The following SCLT1 variants were observed in gnomAD, a reference collection of about 807,000 sequenced individuals.
SCLT1 encodes the protein sodium channel and clathrin linker 1.
A neutral mutation model predicts 112.8 loss-of-function variants in SCLT1; 78 were observed. The ratio of observed to expected loss-of-function variants is 0.69; its 90% CI spans 0.58 to 0.83. The LOEUF is 0.83. Among genes scored for constraint, SCLT1 ranks in the 40% least tolerant of loss-of-function variants. SCLT1 has a pLI of 0.00. For missense variants in SCLT1, 747 were observed against 770.4 expected (o/e 0.97, Z 0.36); for synonymous variants, 257 against 254.7 (o/e 1.01, Z -0.09).
intron 6 of SCLT1, among the ~76,000 whole-genome samples, chr4:129,001,983 T>C (rs1251204842): frequency 6.6e-6 from 1 of 152,018 alleles, no homozygotes; most frequent in Non-Finnish European, 1.5e-5. Context: ...TCATCATATT[T>C]AAAAATTCTT....
At chr4:128,910,793 T>C (rs1735034814) in intron 18 of SCLT1, among the ~76,000 whole-genome samples, 1 of 152,178 alleles carries the variant, frequency 6.6e-6, no homozygotes, top group South Asian at 2.1e-4. Flanking sequence ...TTTTCACCAA[T>C]GATTTGAAAT....
intron 2 of SCLT1, among the ~76,000 whole-genome samples, chr4:129,060,825 CT>C: frequency 6.6e-6 from 1 of 152,216 alleles, no homozygotes; most frequent in East Asian, 1.9e-4. Flanking sequence ...CTTGGAATGG[CT>C]GTGGGGTGAG....
chr4:128,958,542 T>C (rs905472105), intron 12 of SCLT1, among the ~76,000 whole-genome samples: 2 of 151,550 alleles, frequency 1.3e-5, no homozygotes, highest in Non-Finnish European at 2.9e-5. Flanking sequence ...CCTACTATTT[T>C]CTCTGTCCAC....
chr4:128,901,576 A>G (rs1228836220), intron 18 of SCLT1, among the ~76,000 whole-genome samples: 2 of 151,790 alleles, frequency 1.3e-5, no homozygotes, highest in East Asian at 3.9e-4. Flanking sequence ...ATGTTAAATG[A>G]TGAGTTACTG....
chr4:128,989,036 CT>C (rs1234781701), intron 9 of SCLT1, among the ~76,000 whole-genome samples: 1 of 151,858 alleles, frequency 6.6e-6, no homozygotes, highest in Non-Finnish European at 1.5e-5. Flanking sequence ...CAGCTGAGAA[CT>C]TCAACACCCC....
chr4:129,003,638 G>A (rs1743728536), intron 6 of SCLT1, 103 bp downstream of exon 6: 1 of 939,308 alleles, frequency 1.1e-6, no homozygotes, highest in African/African-American at 1.7e-5. Context: ...AAATCATAAT[G>A]TTACAATTTT....
intron 5 of SCLT1, among the ~76,000 whole-genome samples, chr4:129,026,541 AT>A (rs1746106491): frequency 6.6e-6 from 1 of 152,150 alleles, no homozygotes; most frequent in Admixed American, 6.5e-5. Context: ...TCTGCGACAT[AT>A]TCAAAGCAGT....
At chr4:128,875,007 A>G (rs1252244543) in intron 4 of SCLT1, 3 of 103,070 alleles carry the variant, frequency 2.9e-5, no homozygotes, top group African/African-American at 8.5e-5. Context: ...TAAAATTGAA[A>G]AAAAAAAAAA....
At chr4:128,982,584 C>T (rs1168165664) in intron 9 of SCLT1, among the ~76,000 whole-genome samples, 1 of 151,976 alleles carries the variant, frequency 6.6e-6, no homozygotes, top group Admixed American at 6.6e-5. Context: ...TCACTGCAAC[C>T]TCTGCCTCCT....
At chr4:128,891,194 C>G in intron 18 of SCLT1, 57 bp from the exon 19 acceptor site, 1 of 1,292,426 alleles carries the variant, frequency 7.7e-7, no homozygotes, top group Admixed American at 1.8e-5. Flanking sequence ...AAAACAGAAT[C>G]TTTATTAGCA....
At chr4:128,936,629 T>C in intron 18 of SCLT1, 26 bp downstream of exon 18, 1 of 1,424,728 alleles carries the variant, frequency 7.0e-7, no homozygotes, top group South Asian at 1.3e-5. Flanking sequence ...CTGTAAAACA[T>C]GTCAAACAAC....
chr4:129,068,618 T>C (rs746030071), intron 2 of SCLT1, among the ~76,000 whole-genome samples: 4 of 152,170 alleles, frequency 2.6e-5, no homozygotes, highest in Non-Finnish European at 4.4e-5. Context: ...TTTGATGGGA[T>C]TATTTGTTCT....
At chr4:128,994,944 G>A (rs780391159) in intron 8 of SCLT1, among the ~76,000 whole-genome samples, 19 of 151,958 alleles carry the variant, frequency 1.3e-4, no homozygotes, top group Admixed American at 2.6e-4. Context: ...TTGGATATAC[G>A]GTCTGCAAAT....
At chr4:128,983,298 A>C (rs1741827049) in intron 9 of SCLT1, among the ~76,000 whole-genome samples, 1 of 152,214 alleles carries the variant, frequency 6.6e-6, no homozygotes, top group Non-Finnish European at 1.5e-5. Flanking sequence ...CAGGCATAAA[A>C]TCTGAGCACA....
chr4:128,929,859 C>A (rs1194389573), intron 18 of SCLT1, among the ~76,000 whole-genome samples: 2 of 152,094 alleles, frequency 1.3e-5, no homozygotes, highest in Non-Finnish European at 2.9e-5. Flanking sequence ...GGTGTTATAA[C>A]AAAATACCAT....
In SCLT1 at chr4:129,082,803, A is replaced by T. The variant is rs76347961; in HGVS notation, c.35-430T>A. On this transcript the variant is annotated intron_variant, in intron 1 of 20. Coordinates refer to ENST00000281142, the MANE Select transcript of SCLT1 (RefSeq NM_144643.4). Reference sequence around the variant, plus strand: ...TCTTCCAGGACAAACCTCCACCTTAAGGAGAAATTGCAGGCTGAAGAATCC... The same window carrying T: ...TCTTCCAGGACAAACCTCCACCTTATGGAGAAATTGCAGGCTGAAGAATCC... Among the ~76,000 whole-genome samples, 1,210 of 152,306 alleles carry T rather than the reference A, an allele frequency of 7.9e-3. 15 individuals are homozygous for T. The highest frequency in any genetic ancestry group is 0.028 in the African/African-American group (1,160 of 41,562).
Position 129,055,354 on chromosome 4 carries a change from C to T in SCLT1, c.103-11303G>A, listed in dbSNP as rs572368716. Among the ~76,000 whole-genome samples, 6 of 152,314 alleles carry T rather than the reference C, an allele frequency of 3.9e-5. No individual in the cohort carries two copies. In the East Asian group the frequency reaches 7.7e-4, roughly 20 times the overall value. On this transcript the variant is annotated intron_variant, in intron 2 of 20. Transcript: ENST00000281142. The stretch of plus-strand genomic sequence containing the variant: ...ACTCTTCAGAGCCATCAGGCAAGAT[C>T]GTTTAATTCCACTGAAGCTACAACC...
chr4:128,945,738 G>C (rs1738097003), intron 16 of SCLT1, among the ~76,000 whole-genome samples: 1 of 151,934 alleles, frequency 6.6e-6, no homozygotes, highest in Admixed American at 6.6e-5. Flanking sequence ...TGCACAATTG[G>C]TACAAAGACA....
chr4:128,911,158 C>T (rs763913572), intron 18 of SCLT1, among the ~76,000 whole-genome samples: 3 of 152,006 alleles, frequency 2.0e-5, no homozygotes, highest in Admixed American at 1.3e-4. Flanking sequence ...CCCAGCTACT[C>T]GGGAGGCTAA....
Sources: allele counts gnomAD v4.1 joint callset (sites outside exome capture counted in the v4.1 genomes callset), GRCh38; gene constraint gnomAD v4.1.1; transcripts MANE v1.5; gene names NCBI Gene and HGNC (gene_info 2026-07-23, HGNC 2026-07-21).